The following ANGEL1 variants were observed in gnomAD, a reference collection of about 807,000 sequenced individuals.
ANGEL1 encodes the protein angel homolog 1.
ANGEL1 carries 62 observed loss-of-function variants against 76.4 expected under a neutral mutation model. That is an observed-to-expected ratio of 0.81 (90% CI 0.66 to 1.00). The LOEUF is 1.00. Ranked by LOEUF, ANGEL1 falls within the 50% of genes least tolerant of loss-of-function variation. The probability of loss-of-function intolerance (pLI) is 0.00; values close to 1 mark genes in which losing one functional copy is unlikely to be tolerated. For missense variants in ANGEL1, 737 were observed against 836.7 expected, an observed-to-expected ratio of 0.88 and a Z score of 1.47; for synonymous variants, 340 against 331.7, an observed-to-expected ratio of 1.03 and a Z score of -0.27.
intron 7 of ANGEL1, among the ~76,000 whole-genome samples, chr14:76,792,143 T>G (rs866657000): frequency 6.6e-6 from 1 of 152,124 alleles, no homozygotes; most frequent in Non-Finnish European, 1.5e-5. Flanking sequence ...TACCAACAAA[T>G]TGGATAACTT....
chr14:76,807,840 G>C, intron 3 of ANGEL1, 82 bp downstream of exon 3: 1 of 1,458,458 alleles, frequency 6.9e-7, no homozygotes, highest in Admixed American at 1.8e-5. Flanking sequence ...ACAACTATGG[G>C]TTGAACTCAT....
At chr14:76,796,398 C>T (rs946123100) in intron 7 of ANGEL1, among the ~76,000 whole-genome samples, 1 of 151,870 alleles carries the variant, frequency 6.6e-6, no homozygotes, top group Admixed American at 6.6e-5. Context: ...TAGGCACATG[C>T]CACTACGCCA....
At chr14:76,804,668 G>A (rs1894863820) in intron 5 of ANGEL1, among the ~76,000 whole-genome samples, 1 of 152,208 alleles carries the variant, frequency 6.6e-6, no homozygotes, top group Non-Finnish European at 1.5e-5. Context: ...ATAGCTGTGT[G>A]ACTTTTGGCA....
chr14:76,800,120 G>A (rs1011036347), intron 7 of ANGEL1, among the ~76,000 whole-genome samples: 4 of 152,076 alleles, frequency 2.6e-5, no homozygotes, highest in Non-Finnish European at 5.9e-5. Flanking sequence ...TACCTACAAA[G>A]TGATTGTCAG....
In ANGEL1 at chr14:76,806,789, T is replaced by C. The variant is rs1473618922; in HGVS notation, c.1007A>G (p.Tyr336Cys). The change falls in exon 5 of 10, where the codon TAC (tyrosine) becomes TGC (cysteine). Residue 336 changes from tyrosine (Y) to cysteine (C), a missense_variant. By Grantham distance (194) the Tyr-to-Cys change is radical. Around this residue, in one of 2 missense-constraint regions of ANGEL1, gnomAD observed 441 missense variants for 449.5 expected, o/e 0.98. Transcript: ENST00000251089. ...GAGCAGGCGGAATCTGGTAGGCTTG[T>C]AGCAGACAGCACAGCCATCGGTTTT... is the stretch of plus-strand genomic sequence containing the variant. ...GCKTDGCAVCYKPTRFRLLCA... is the reference protein window; with the variant it reads ...GCKTDGCAVCCKPTRFRLLCA... 4 of 1,614,098 alleles carry C rather than the reference T, an allele frequency of 2.5e-6. No homozygotes were observed. Among genetic ancestry groups the C allele is most frequent in the African/African-American group, 1.3e-5 (1 of 74,936 alleles).
At chr14:76,796,374 G>A (rs970190422) in intron 7 of ANGEL1, among the ~76,000 whole-genome samples, 2 of 150,592 alleles carry the variant, frequency 1.3e-5, no homozygotes, top group Non-Finnish European at 3.0e-5. Context: ...TTAGCCTCTC[G>A]GTAGCTGGGA....
chr14:76,811,212 G>A (rs1452692700), intron 1 of ANGEL1, among the ~76,000 whole-genome samples: 1 of 152,096 alleles, frequency 6.6e-6, no homozygotes, highest in African/African-American at 2.4e-5. Flanking sequence ...CAAATGATCC[G>A]GTCCAAAACG....
In ANGEL1 at chr14:76,788,342, A is replaced by G. The variant is rs1170540166; in HGVS notation, c.*886T>C. 2 of 152,208 alleles carry G rather than the reference A, an allele frequency of 1.3e-5. No individual in the cohort carries two copies. Among genetic ancestry groups the G allele is most frequent in the African/African-American group, 4.8e-5 (2 of 41,430 alleles). The allele number at this position is 152,208 out of a possible 1,614,324, so 9.4% of individuals were successfully genotyped here. On this transcript the variant is annotated 3_prime_UTR_variant, in exon 10 of 10. Coordinates refer to ENST00000251089, the MANE Select transcript of ANGEL1 (RefSeq NM_015305.4). Reference sequence around the variant, plus strand: ...GACTCTTTCTCCTCCTAATCCTTAAATAGTTTTAAACCTCATACCACTACC... The same window carrying G: ...GACTCTTTCTCCTCCTAATCCTTAAGTAGTTTTAAACCTCATACCACTACC...
intron 9 of ANGEL1, 48 bp from the exon 10 acceptor site, chr14:76,789,436 C>T: frequency 1.2e-6 from 2 of 1,605,204 alleles, no homozygotes; most frequent in Non-Finnish European, 1.7e-6. Context: ...CGCAGCCACA[C>T]TGCATGGGCA....
chr14:76,794,033 C>G (rs1057074839), intron 7 of ANGEL1, among the ~76,000 whole-genome samples: 5 of 152,056 alleles, frequency 3.3e-5, no homozygotes, highest in Non-Finnish European at 5.9e-5. Flanking sequence ...GTAACCAAGA[C>G]AGTGTGGTTC....
intron 1 of ANGEL1, chr14:76,810,276 C>A (rs752293613): frequency 2.2e-6 from 1 of 453,632 alleles, no homozygotes; most frequent in African/African-American, 2.0e-5. Context: ...TAAAAATTAG[C>A]CAAGTACGGT....
intron 7 of ANGEL1, among the ~76,000 whole-genome samples, chr14:76,800,800 G>A (rs895406851): frequency 2.6e-5 from 4 of 152,026 alleles, no homozygotes; most frequent in Non-Finnish European, 5.9e-5. Flanking sequence ...GTGAAACCCT[G>A]TCTCTACTAA....
intron 5 of ANGEL1, among the ~76,000 whole-genome samples, chr14:76,805,484 G>C (rs1407722436): frequency 2.6e-5 from 4 of 152,166 alleles, no homozygotes. Flanking sequence ...CAATCGTTTT[G>C]TGTCCTTCCA....
chr14:76,790,680 A>C lies in ANGEL1; in HGVS notation c.1783T>G (p.Leu595Val), dbSNP rs756258273. 2 of 1,614,178 alleles carry C rather than the reference A, an allele frequency of 1.2e-6. No homozygotes were observed. Among genetic ancestry groups the C allele is most frequent in the East Asian group, 2.2e-5 (1 of 44,892 alleles). The stretch of plus-strand genomic sequence containing the variant: ...TAATCTACTGTCATTCCAAGACCCA[A>C]TGGCATTGTAGTGACCTCTGGGCGG... Reference protein sequence around the residue: ...RGRPEVTTMPLGLGMTVDYIF... With the variant: ...RGRPEVTTMPVGLGMTVDYIF... Residue 595 changes from leucine (L) to valine (V), a missense_variant, in exon 9 of 10, where the codon TTG becomes GTG. Leu to Val is a conservative substitution (Grantham distance 32). This residue lies in a region of ANGEL1 where 296 missense variants were observed against 387.2 expected (regional missense o/e 0.76). Coordinates refer to ENST00000251089, the MANE Select transcript of ANGEL1 (RefSeq NM_015305.4).
chr14:76,806,873 A>G (rs1227436777), intron 4 of ANGEL1, 24 bp from the exon 5 acceptor site: 2 of 1,601,904 alleles, frequency 1.2e-6, no homozygotes, highest in Admixed American at 3.4e-5. Flanking sequence ...CCCACCAAAG[A>G]GATGGGTCAG....
At position 76,786,148 on chromosome 14, in the gene ANGEL1, CTTTCTTTTCT is replaced by C. The variant is rs535146194; in HGVS notation, c.*3070_*3079del. On this transcript the variant is annotated 3_prime_UTR_variant, in exon 10 of 10. Coordinates refer to ENST00000251089, the MANE Select transcript of ANGEL1 (RefSeq NM_015305.4). ...TGTTTCTAATTCCTAGCTGAGTTTT[CTTTCTTTTCT>C]TTTCTTTTCTTTTTTTTTTTTTGAG... 2 of 149,164 alleles carry C rather than the reference CTTTCTTTTCT, an allele frequency of 1.3e-5. No individual in the cohort carries two copies. Among genetic ancestry groups the C allele is most frequent in the East Asian group, 2.0e-4 (1 of 5,118 alleles). 9.2% of individuals were successfully genotyped at this position (149,164 alleles called of 1,614,324 possible).
Position 76,812,873 on chromosome 14 carries a change from G to C in ANGEL1, c.-46C>G. On this transcript the variant is annotated 5_prime_UTR_variant, in exon 1 of 10. Coordinates refer to ENST00000251089, the MANE Select transcript of ANGEL1 (RefSeq NM_015305.4). ...CTCCGCTCCTCACTGCAGCCAGCAG[G>C]TCCTCCCTCAGCTCGGCCCCGCCCC... 3.4e-6 allele frequency: 5 copies of C among 1,474,050 alleles called. No homozygotes were observed. The highest frequency in any genetic ancestry group is 3.6e-6 in the Non-Finnish European group (4 of 1,113,788). 91.3% of individuals were successfully genotyped at this position (1,474,050 alleles called of 1,614,324 possible). A position where few individuals can be genotyped will look rare whatever the true frequency, so the allele number is the denominator to read the frequency against.
chr14:76,807,373 G>C (rs1468081519), intron 4 of ANGEL1, 60 bp downstream of exon 4: 1 of 1,518,358 alleles, frequency 6.6e-7, no homozygotes, highest in Non-Finnish European at 9.0e-7. Flanking sequence ...GGGTCTTCAG[G>C]AGAGAGTAGA....
chr14:76,812,274 G>C (rs572720343), intron 1 of ANGEL1: 2 of 989,694 alleles, frequency 2.0e-6, no homozygotes, highest in African/African-American at 1.7e-5. Flanking sequence ...AGAGCTGCCA[G>C]GTGGCAGTGA....
Sources: gnomAD v4.1 joint callset for allele counts (sites outside exome capture counted in the v4.1 genomes callset) on GRCh38, gnomAD v4.1.1 for gene constraint, gnomAD v4.1.1 regional missense constraint, MANE v1.5 for transcripts, NCBI Gene and HGNC (gene_info 2026-07-23, HGNC 2026-07-21) for gene names.